SLC38A1: variants seen among roughly 807,000 people sequenced by gnomAD.
The protein encoded by SLC38A1 is solute carrier family 38 member 1.
In SLC38A1, 18 loss-of-function variants were observed where a neutral mutation model predicts 60.3. The ratio of observed to expected loss-of-function variants is 0.30; its 90% CI spans 0.21 to 0.44. The LOEUF (loss-of-function observed/expected upper bound fraction) is 0.44, where lower values mean the gene tolerates loss of function less well. Ranked by LOEUF, SLC38A1 falls within the 20% of genes least tolerant of loss-of-function variation. The pLI is 1.00. For synonymous variants in SLC38A1, 196 were observed against 212.1 expected, an observed-to-expected ratio of 0.92 and a Z score of 0.66; for missense variants, 448 against 587.2, an observed-to-expected ratio of 0.76 and a Z score of 2.45.
At position 46,207,160 on chromosome 12, in the gene SLC38A1, T is replaced by C. The variant is rs377559208; in HGVS notation, c.558A>G (p.Thr186=). The stretch of plus-strand genomic sequence containing the variant: ...AAAAATGGTCTATAACTTACGAAAA[T>C]GTCTCTTCCTTTCCCATTAGAAACT... ...AIKFLMGKEE[T]FSAWYVDGRV... Residue 186 remains threonine, a synonymous_variant, in exon 8 of 17, where the codon ACA becomes ACG. Transcript: ENST00000398637. 6.8e-6 allele frequency: 11 copies of C among 1,605,866 alleles called. No homozygotes were observed. The highest frequency in any genetic ancestry group is 9.4e-6 in the Non-Finnish European group (11 of 1,175,594).
chr12:46,233,895 C>T (rs1941163375), intron 3 of SLC38A1, among the ~76,000 whole-genome samples: 1 of 152,206 alleles, frequency 6.6e-6, no homozygotes, highest in East Asian at 1.9e-4. Flanking sequence ...ATTCCAGGTA[C>T]TACTTAATTT....
chr12:46,198,336 T>C (rs1050874603), intron 14 of SLC38A1, among the ~76,000 whole-genome samples: 1 of 152,212 alleles, frequency 6.6e-6, no homozygotes, highest in Non-Finnish European at 1.5e-5. Context: ...GTTCTTTTTA[T>C]ATTCTCTCTT....
At chr12:46,233,412 C>A (rs1941148494) in intron 3 of SLC38A1, among the ~76,000 whole-genome samples, 1 of 152,100 alleles carries the variant, frequency 6.6e-6, no homozygotes, top group Non-Finnish European at 1.5e-5. Flanking sequence ...ACTTGTTTTC[C>A]AGAGAATTTC....
chr12:46,219,339 T>TG (rs1940556696), intron 5 of SLC38A1, among the ~76,000 whole-genome samples: 2 of 152,224 alleles, frequency 1.3e-5, no homozygotes, highest in South Asian at 4.1e-4. Context: ...ATCTATAAAA[T>TG]GGGGGTAATT....
chr12:46,231,238 A>G (rs1941066079), intron 3 of SLC38A1, among the ~76,000 whole-genome samples: 1 of 152,214 alleles, frequency 6.6e-6, no homozygotes, highest in South Asian at 2.1e-4. Context: ...TGGGAGCTAA[A>G]CAACGGGTAC....
At chr12:46,228,020 G>A (rs1366862953) in intron 5 of SLC38A1, among the ~76,000 whole-genome samples, 1 of 152,032 alleles carries the variant, frequency 6.6e-6, no homozygotes, top group Non-Finnish European at 1.5e-5. Flanking sequence ...CCTAAAACCT[G>A]GCACTCAGCT....
Position 46,185,875 on chromosome 12 carries a change from A to T in SLC38A1, c.*3095T>A, listed in dbSNP as rs1313661770. ...GTTTCAGGCCAATCTGGTCACCTGTAGTCTGGTGGCATCTCTACCCCTACT... is the reference window on the plus strand; with the variant it reads ...GTTTCAGGCCAATCTGGTCACCTGTTGTCTGGTGGCATCTCTACCCCTACT... On this transcript the variant is annotated 3_prime_UTR_variant, in exon 17 of 17. Transcript: ENST00000398637. The T allele has an allele frequency of 6.6e-6, 1 of 152,136 alleles. No individual in the cohort carries two copies. 9.4% of individuals were successfully genotyped at this position (152,136 alleles called of 1,614,324 possible). A position where few individuals can be genotyped will look rare whatever the true frequency, so the allele number is the denominator to read the frequency against.
chr12:46,254,553 T>A (rs1254157793), intron 1 of SLC38A1, among the ~76,000 whole-genome samples: 1 of 152,212 alleles, frequency 6.6e-6, no homozygotes, highest in Admixed American at 6.5e-5. Context: ...AGCCTTGCAA[T>A]GAGTTTGAAC....
intron 1 of SLC38A1, among the ~76,000 whole-genome samples, chr12:46,255,678 T>G (rs996336916): frequency 2.6e-5 from 4 of 152,210 alleles, no homozygotes; most frequent in African/African-American, 9.7e-5. Context: ...TCTTTTACTT[T>G]TGATGAAAAC....
At chr12:46,204,003 G>A (rs1011627810) in intron 11 of SLC38A1, among the ~76,000 whole-genome samples, 3 of 152,190 alleles carry the variant, frequency 2.0e-5, no homozygotes, top group Non-Finnish European at 2.9e-5. Context: ...CAGAAGAAGG[G>A]AGCTAAGGAT....
intron 1 of SLC38A1, among the ~76,000 whole-genome samples, chr12:46,249,798 A>T (rs756132066): frequency 1.3e-5 from 2 of 152,224 alleles, no homozygotes; most frequent in Non-Finnish European, 2.9e-5. Context: ...GAAGAAGTGG[A>T]ATCTCTGAAT....
intron 3 of SLC38A1, among the ~76,000 whole-genome samples, chr12:46,230,844 T>C (rs1941048127): frequency 6.6e-6 from 1 of 152,148 alleles, no homozygotes. Flanking sequence ...TTATACACCA[T>C]TGGTGGGAAC....
chr12:46,229,479 T>C (rs1940987117), intron 4 of SLC38A1, 85 bp downstream of exon 4: 1 of 1,068,546 alleles, frequency 9.4e-7, no homozygotes. Context: ...GTTATGCTTT[T>C]GGTACTATGC....
chr12:46,211,914 T>C (rs1940189461), intron 5 of SLC38A1, among the ~76,000 whole-genome samples: 1 of 152,208 alleles, frequency 6.6e-6, no homozygotes, highest in South Asian at 2.1e-4. Context: ...CAAAACCCCC[T>C]TTTCTATCAG....
At chr12:46,229,733 G>A in intron 3 of SLC38A1, 94 bp from the exon 4 acceptor site, 1 of 1,082,846 alleles carries the variant, frequency 9.2e-7, no homozygotes, top group South Asian at 1.3e-5. Flanking sequence ...AAACATACAT[G>A]AACAGTTACC....
chr12:46,233,226 T>C (rs1941141881), intron 3 of SLC38A1, among the ~76,000 whole-genome samples: 1 of 152,072 alleles, frequency 6.6e-6, no homozygotes, highest in South Asian at 2.1e-4. Flanking sequence ...TCTTGCTATG[T>C]TGCCCACGCT....
intron 1 of SLC38A1, among the ~76,000 whole-genome samples, chr12:46,265,966 G>A (rs1942337479): frequency 6.6e-6 from 1 of 152,332 alleles, no homozygotes; most frequent in Middle Eastern, 3.4e-3. Context: ...AAGAGGACAA[G>A]TGTGAGGGGT....
At chr12:46,205,468 A>C (rs993060552) in intron 9 of SLC38A1, among the ~76,000 whole-genome samples, 8 of 152,202 alleles carry the variant, frequency 5.3e-5, no homozygotes, top group Non-Finnish European at 1.0e-4. Flanking sequence ...TTTTGACTAG[A>C]TGGCAGTCTG....
intron 1 of SLC38A1, among the ~76,000 whole-genome samples, chr12:46,262,377 T>A (rs1453342686): frequency 4.0e-5 from 6 of 148,612 alleles, no homozygotes; most frequent in Non-Finnish European, 9.0e-5. Flanking sequence ...ATATTACATT[T>A]AAAAAAAAAA....
Sources: allele counts gnomAD v4.1 joint callset (sites outside exome capture counted in the v4.1 genomes callset), GRCh38; gene constraint gnomAD v4.1.1; transcripts MANE v1.5; gene names NCBI Gene and HGNC (gene_info 2026-07-23, HGNC 2026-07-21).